The following ALDH7A1 variants were observed in gnomAD, a reference collection of about 807,000 sequenced individuals.
ALDH7A1 encodes aldehyde dehydrogenase 7 family member A1.
In ALDH7A1, 63 loss-of-function variants were observed where a neutral mutation model predicts 79.9. The observed-to-expected ratio is 0.79, with a 90% CI of 0.64 to 0.97. The LOEUF is 0.97. Ranked by LOEUF, ALDH7A1 falls within the 50% of genes least tolerant of loss-of-function variation. The pLI, the probability that ALDH7A1 is intolerant of heterozygous loss-of-function variation, is 0.00. For synonymous variants in ALDH7A1, 240 were observed against 231.2 expected, an observed-to-expected ratio of 1.04 and a Z score of -0.34; for missense variants, 627 against 665.2, an observed-to-expected ratio of 0.94 and a Z score of 0.63.
At chr5:126,594,763 T>C (rs540831525) in intron 1 of ALDH7A1, among the ~76,000 whole-genome samples, 1 of 152,132 alleles carries the variant, frequency 6.6e-6, no homozygotes, top group East Asian at 1.9e-4. Flanking sequence ...ATGTTTTAAA[T>C]ATGCGCGGGA....
intron 3 of ALDH7A1, among the ~76,000 whole-genome samples, chr5:126,590,816 C>T (rs1392647822): frequency 6.7e-6 from 1 of 149,832 alleles, no homozygotes; most frequent in East Asian, 2.0e-4. Context: ...GCCCAGAAGG[C>T]AGAGGTTACA....
chr5:126,549,634 T>A (rs1053753160), intron 16 of ALDH7A1: 1 of 335,454 alleles, frequency 3.0e-6, no homozygotes, highest in Non-Finnish European at 5.5e-6. Flanking sequence ...GGATTCTTAA[T>A]CTTTTTTGGG....
chr5:126,543,401 TCCTGCCAACCTTCTCTCAATAGCTATATC>T lies in ALDH7A1; in HGVS notation c.*1535_*1563del, dbSNP rs1269348336. 6.6e-6 allele frequency: 1 copy of T among 152,200 alleles called. No individual in the cohort carries two copies. Among genetic ancestry groups the T allele is most frequent in the Non-Finnish European group, 1.5e-5 (1 of 68,030 alleles). The allele number at this position is 152,200 out of a possible 1,614,324, so 9.4% of individuals were successfully genotyped here. A position where few individuals can be genotyped will look rare whatever the true frequency, so the allele number is the denominator to read the frequency against. On this transcript the variant is annotated 3_prime_UTR_variant, in exon 18 of 18. Coordinates refer to ENST00000409134, the MANE Select transcript of ALDH7A1 (RefSeq NM_001182.5). ...CCACATACCCTCACCCATGATTTCT[TCCTGCCAACCTTCTCTCAATAGCTATATC>T]AGTATTTGGCTTGATTCATGTTCAA...
intron 9 of ALDH7A1, among the ~76,000 whole-genome samples, chr5:126,566,611 G>A (rs1750591675): frequency 6.6e-6 from 1 of 152,014 alleles, no homozygotes; most frequent in African/African-American, 2.4e-5. Flanking sequence ...CAAAAACCTT[G>A]GAAATCATCC....
At chr5:126,560,037 T>A (rs1750350177) in intron 10 of ALDH7A1, among the ~76,000 whole-genome samples, 1 of 151,574 alleles carries the variant, frequency 6.6e-6, no homozygotes, top group South Asian at 2.1e-4. Context: ...GCTCAAGCAA[T>A]CCTCCCACCT....
intron 7 of ALDH7A1, 71 bp downstream of exon 7, chr5:126,575,340 CAGATTAAAA>C: frequency 7.5e-7 from 1 of 1,337,502 alleles, no homozygotes; most frequent in Non-Finnish European, 1.1e-6. Context: ...ACTCTGACAT[CAGATTAAAA>C]AGTCAGGGCC....
chr5:126,581,545 C>T (rs917685391), intron 5 of ALDH7A1: 8 of 151,826 alleles, frequency 5.3e-5, no homozygotes, highest in African/African-American at 1.5e-4. Flanking sequence ...CACCTGATCC[C>T]GGGGATGTTG....
At chr5:126,579,587 T>C (rs1429728541) in intron 5 of ALDH7A1, among the ~76,000 whole-genome samples, 1 of 152,042 alleles carries the variant, frequency 6.6e-6, no homozygotes, top group Non-Finnish European at 1.5e-5. Flanking sequence ...AGATGCTCCA[T>C]AAGCATTTAT....
At position 126,545,034 on chromosome 5, in the gene ALDH7A1, T is replaced by C. The variant is rs1361684735; in HGVS notation, c.1566-15A>G. 6.3e-7 allele frequency: 1 copy of C among 1,580,698 alleles called. No individual in the cohort carries two copies. The highest frequency in any genetic ancestry group is 8.7e-7 in the Non-Finnish European group (1 of 1,149,718). On this transcript the variant is annotated splice_polypyrimidine_tract_variant and intron_variant, in intron 17 of 17. Coordinates refer to ENST00000409134, the MANE Select transcript of ALDH7A1 (RefSeq NM_001182.5). The stretch of plus-strand genomic sequence containing the variant: ...AGTTGATAGTACTAGTGGGAAAAAA[T>C]AACAGAATTAATGACAGTACATACA...
chr5:126,554,213 C>G lies in ALDH7A1; in HGVS notation c.1200+74G>C, dbSNP rs140989373. 1,961 of 1,306,908 alleles carry G rather than the reference C, an allele frequency of 1.5e-3. 8 individuals are homozygous for G. In the African/African-American group the frequency reaches 0.017, roughly 11 times the overall value. 81.0% of individuals were successfully genotyped at this position (1,306,908 alleles called of 1,614,324 possible). On this transcript the variant is annotated intron_variant, in intron 13 of 17. Transcript: ENST00000409134. ...CAAATGGGGTGGCTTTTCCAATATGCCCAGAGCCCTGCTTGTGTCTCAGGG... is the reference window on the plus strand; with the variant it reads ...CAAATGGGGTGGCTTTTCCAATATGGCCAGAGCCCTGCTTGTGTCTCAGGG...
chr5:126,562,246 A>T (rs1260973856), intron 9 of ALDH7A1: 1 of 150,124 alleles, frequency 6.7e-6, no homozygotes, highest in Non-Finnish European at 1.5e-5. Flanking sequence ...TCTGTTGCCC[A>T]GGCTGGGGTG....
intron 9 of ALDH7A1, chr5:126,562,026 G>C (rs1421167988): frequency 6.6e-6 from 1 of 152,054 alleles, no homozygotes; most frequent in Non-Finnish European, 1.5e-5. Flanking sequence ...CCACTTCTGA[G>C]TATATAACCA....
chr5:126,569,148 G>A (rs1391782709), intron 8 of ALDH7A1: 1 of 152,356 alleles, frequency 6.6e-6, no homozygotes, highest in Non-Finnish European at 1.5e-5. Context: ...ATCTTCAGAG[G>A]AGTGTGAACT....
chr5:126,543,914 CCTAAAG>C lies in ALDH7A1; in HGVS notation c.*1045_*1050del, dbSNP rs1323146107. 1 of 151,704 alleles carries C rather than the reference CCTAAAG, an allele frequency of 6.6e-6. No individual in the cohort carries two copies. Among genetic ancestry groups the C allele is most frequent in the Non-Finnish European group, 1.5e-5 (1 of 67,998 alleles). The allele number at this position is 151,704 out of a possible 1,614,324, so 9.4% of individuals were successfully genotyped here. A position where few individuals can be genotyped will look rare whatever the true frequency, so the allele number is the denominator to read the frequency against. On this transcript the variant is annotated 3_prime_UTR_variant, in exon 18 of 18. Transcript: ENST00000409134. Reference sequence around the variant, plus strand: ...ACAGATCCAAGGGCAACCGCAGACGCCTAAAGCTAAAGAAGGTGGTCTAAGGTTGTA... The same window carrying C: ...ACAGATCCAAGGGCAACCGCAGACGCCTAAAGAAGGTGGTCTAAGGTTGTA...
chr5:126,545,479 T>C (rs1234984828), intron 17 of ALDH7A1, among the ~76,000 whole-genome samples: 2 of 139,314 alleles, frequency 1.4e-5, no homozygotes, highest in Admixed American at 7.1e-5. Flanking sequence ...GCCAGGCTGG[T>C]CTTGAACTCC....
chr5:126,569,396 G>C, intron 8 of ALDH7A1: 2 of 152,200 alleles, frequency 1.3e-5, no homozygotes, highest in African/African-American at 4.8e-5. Flanking sequence ...AGGATTTCCA[G>C]TTGCTTCTAA....
intron 10 of ALDH7A1, 85 bp downstream of exon 10, chr5:126,560,998 G>A: frequency 1.4e-6 from 2 of 1,469,346 alleles, no homozygotes; most frequent in Non-Finnish European, 1.9e-6. Flanking sequence ...TGGACGAAAT[G>A]AGATCCCAAA....
At position 126,568,334 on chromosome 5, in the gene ALDH7A1, G is replaced by T; in HGVS notation, c.796C>A (p.Arg266=). Residue 266 remains arginine (R), a synonymous_variant, in exon 9 of 18, where the codon CGA becomes AGA. Transcript: ENST00000409134. ...CCAGTGAAGGACAGCAGGTTCACTC[G>T]TTCATCTTTGGCCATTGCTGTGCTG... The part of the protein sequence containing the change: ...DIGTAMAKDE[R]VNLLSFTGST... The T allele has an allele frequency of 6.2e-7, 1 of 1,614,036 alleles. No individual in the cohort carries two copies. The highest frequency in any genetic ancestry group is 8.5e-7 in the Non-Finnish European group (1 of 1,179,944).
At chr5:126,550,397 A>G in intron 14 of ALDH7A1, 104 bp from the exon 15 acceptor site, 2 of 848,516 alleles carry the variant, frequency 2.4e-6, no homozygotes, top group Non-Finnish European at 3.8e-6. Context: ...ATTTCAGTGT[A>G]CAAAAGGAAA....
Sources: gnomAD v4.1 joint callset for allele counts (sites outside exome capture counted in the v4.1 genomes callset) on GRCh38, gnomAD v4.1.1 for gene constraint, MANE v1.5 for transcripts, NCBI Gene and HGNC (gene_info 2026-07-23, HGNC 2026-07-21) for gene names.